GULP1: variants seen among roughly 807,000 people sequenced by gnomAD.
GULP1 encodes PTB domain-containing engulfment adapter protein 1.
In GULP1, 19 loss-of-function variants were observed where a neutral mutation model predicts 40.9. The observed-to-expected ratio is 0.46, with a 90% CI of 0.32 to 0.68. The LOEUF (loss-of-function observed/expected upper bound fraction) is 0.68, where lower values mean the gene tolerates loss of function less well. GULP1 is among the 30% of genes least tolerant of loss of function. The pLI is 0.03. For synonymous variants in GULP1, 119 were observed against 117.6 expected (o/e 1.01, Z -0.08); for missense variants, 312 against 362.2 (o/e 0.86, Z 1.12).
intron 7 of GULP1, among the ~76,000 whole-genome samples, chr2:188,561,660 G>A (rs1428339036): frequency 1.3e-5 from 2 of 152,144 alleles, no homozygotes; most frequent in African/African-American, 4.8e-5. Context: ...CAGGGGCAGG[G>A]CAATTCTCAG....
chr2:188,570,252 C>CCTG, intron 9 of GULP1, 132 bp downstream of exon 9: 1 of 550,788 alleles, frequency 1.8e-6, no homozygotes, highest in Non-Finnish European at 3.2e-6. Flanking sequence ...GAGATGAAGG[C>CCTG]TGCTAAGCAG....
chr2:188,569,316 T>A lies in GULP1; in HGVS notation c.477T>A (p.Asp159Glu). The change falls in exon 8 of 12, where the codon GAT (aspartate) becomes GAA (glutamate). Residue 159 changes from aspartate to glutamate, a missense_variant. By Grantham distance (45) the Asp-to-Glu change is conservative (BLOSUM62 2). Transcript: ENST00000409830. ...YRKFLESGGKDVETRKQIAGL... is the reference protein window; with the variant it reads ...YRKFLESGGKEVETRKQIAGL... ...AATTTCTAGAATCAGGAGGAAAAGA[T>A]GTTGAAACAAGAAAACAGATCGCAG... is the stretch of plus-strand genomic sequence containing the variant. 6.3e-7 allele frequency: 1 copy of A among 1,598,406 alleles called. No homozygotes were observed. Among genetic ancestry groups the A allele is most frequent in the Non-Finnish European group, 8.6e-7 (1 of 1,165,884 alleles).
At chr2:188,490,389 A>G (rs2062254095) in intron 4 of GULP1, among the ~76,000 whole-genome samples, 2 of 152,124 alleles carry the variant, frequency 1.3e-5, no homozygotes, top group African/African-American at 4.8e-5. Flanking sequence ...AAAGACAAGT[A>G]AAATATGTAT....
At chr2:188,298,318 A>C (rs1322098896) in intron 1 of GULP1, among the ~76,000 whole-genome samples, 1 of 124,378 alleles carries the variant, frequency 8.0e-6, no homozygotes, top group African/African-American at 2.5e-5. Flanking sequence ...TAACTGAATT[A>C]ATTTCAAAGC....
chr2:188,579,798 A>G (rs548167046), intron 9 of GULP1, among the ~76,000 whole-genome samples: 2 of 152,312 alleles, frequency 1.3e-5, no homozygotes, highest in Non-Finnish European at 2.9e-5. Context: ...AAGTAGTACT[A>G]TGAGAATACT....
At chr2:188,583,671 C>A (rs1701777632) in intron 9 of GULP1, among the ~76,000 whole-genome samples, 1 of 152,054 alleles carries the variant, frequency 6.6e-6, no homozygotes. Context: ...TATAAGATTG[C>A]TATTTATTAC....
chr2:188,312,093 G>A (rs532457209), intron 1 of GULP1, among the ~76,000 whole-genome samples: 1 of 151,732 alleles, frequency 6.6e-6, no homozygotes, highest in Non-Finnish European at 1.5e-5. Context: ...ACCATACCTA[G>A]ATTTGCTATT....
At chr2:188,455,133 AAAAAT>A (rs1239187691) in intron 2 of GULP1, among the ~76,000 whole-genome samples, 1 of 152,104 alleles carries the variant, frequency 6.6e-6, no homozygotes, top group African/African-American at 2.4e-5. Flanking sequence ...TCCTGTCTTC[AAAAAT>A]AAAATAAAAT....
chr2:188,493,043 T>C (rs1321213264), intron 4 of GULP1, among the ~76,000 whole-genome samples: 1 of 152,102 alleles, frequency 6.6e-6, no homozygotes, highest in African/African-American at 2.4e-5. Context: ...CATAGCAGTT[T>C]AATCTAAATT....
intron 1 of GULP1, among the ~76,000 whole-genome samples, chr2:188,323,410 A>G (rs1308993278): frequency 2.0e-5 from 3 of 151,886 alleles, no homozygotes; most frequent in Admixed American, 1.3e-4. Flanking sequence ...ATTCTTTTAT[A>G]TTCTAGGGAC....
intron 2 of GULP1, among the ~76,000 whole-genome samples, chr2:188,440,010 T>G (rs1244639441): frequency 6.6e-6 from 1 of 151,996 alleles, no homozygotes; most frequent in Non-Finnish European, 1.5e-5. Context: ...AATTCAAAAG[T>G]GAGGAAATAA....
chr2:188,306,669 A>C (rs927205919), intron 1 of GULP1, among the ~76,000 whole-genome samples: 21 of 152,200 alleles, frequency 1.4e-4, no homozygotes, highest in Admixed American at 1.1e-3. Context: ...GCTGGAGATG[A>C]AGCCAGTGAG....
chr2:188,344,121 A>T (rs2043317861), intron 1 of GULP1, among the ~76,000 whole-genome samples: 1 of 152,172 alleles, frequency 6.6e-6, no homozygotes, highest in Admixed American at 6.5e-5. Context: ...TCAACCTTTT[A>T]TAGCTGTTTT....
intron 9 of GULP1, among the ~76,000 whole-genome samples, chr2:188,580,898 C>T (rs938758251): frequency 8.5e-5 from 13 of 152,164 alleles, no homozygotes; most frequent in African/African-American, 3.1e-4. Flanking sequence ...ATGTGATTTG[C>T]GGCTGAGGAA....
intron 2 of GULP1, among the ~76,000 whole-genome samples, chr2:188,404,487 T>C (rs1457955747): frequency 1.3e-5 from 2 of 152,046 alleles, no homozygotes; most frequent in African/African-American, 4.8e-5. Context: ...TTGCCTCGGA[T>C]CTGAACACTG....
intron 2 of GULP1, among the ~76,000 whole-genome samples, chr2:188,449,401 C>G (rs2058655307): frequency 6.6e-6 from 1 of 152,118 alleles, no homozygotes; most frequent in Non-Finnish European, 1.5e-5. Context: ...CCAATTGAGT[C>G]TCTATGATTT....
intron 2 of GULP1, among the ~76,000 whole-genome samples, chr2:188,390,590 T>G (rs2152546083): frequency 6.6e-6 from 1 of 152,288 alleles, no homozygotes; most frequent in East Asian, 1.9e-4. Context: ...TGATTATTTC[T>G]TTTGCTGTAT....
At chr2:188,497,542 T>C (rs1490058308) in intron 4 of GULP1, among the ~76,000 whole-genome samples, 1 of 151,994 alleles carries the variant, frequency 6.6e-6, no homozygotes, top group Non-Finnish European at 1.5e-5. Flanking sequence ...GTATGTTTGC[T>C]TTTTTTAAGG....
intron 7 of GULP1, 120 bp downstream of exon 7, chr2:188,541,438 AG>A: frequency 1.1e-6 from 1 of 881,454 alleles, no homozygotes; most frequent in Non-Finnish European, 1.9e-6. Flanking sequence ...TTCTGTAAAA[AG>A]TCTGTAAATA....
Sources: allele counts gnomAD v4.1 joint callset (sites outside exome capture counted in the v4.1 genomes callset), GRCh38; gene constraint gnomAD v4.1.1; transcripts MANE v1.5; gene names NCBI Gene and HGNC (gene_info 2026-07-23, HGNC 2026-07-21).